The following AFF3 variants were observed in gnomAD, a reference collection of about 807,000 sequenced individuals.
AFF3 encodes the protein AF4/FMR2 family member 3.
Under a neutral mutation model 129.7 loss-of-function variants are expected in AFF3, and 32 were observed. The observed-to-expected ratio is 0.25, with a 90% confidence interval of 0.19 to 0.33. AFF3 has a LOEUF of 0.33. AFF3 is among the 10% of genes least tolerant of loss of function. The pLI is 1.00. For synonymous variants in AFF3, 644 were observed against 635.4 expected, an observed-to-expected ratio of 1.01 and a Z score of -0.20; for missense variants, 1,373 against 1,592.0, an observed-to-expected ratio of 0.86 and a Z score of 2.34.
intron 4 of AFF3, among the ~76,000 whole-genome samples, chr2:100,103,559 A>G (rs1320596361): frequency 6.6e-6 from 1 of 151,136 alleles, no homozygotes; most frequent in Non-Finnish European, 1.5e-5. Flanking sequence ...GACAGATACT[A>G]AAGCAGCCAA....
At chr2:99,877,236 T>C (rs1465070569) in intron 7 of AFF3, among the ~76,000 whole-genome samples, 1 of 152,134 alleles carries the variant, frequency 6.6e-6, no homozygotes, top group African/African-American at 2.4e-5. Flanking sequence ...CTGGGTTGGA[T>C]GAATGACTCG....
intron 7 of AFF3, among the ~76,000 whole-genome samples, chr2:99,977,115 A>G (rs896270389): frequency 2.0e-5 from 3 of 152,202 alleles, no homozygotes; most frequent in Non-Finnish European, 4.4e-5. Context: ...AATAGGATAG[A>G]TCCTTAAATG....
intron 8 of AFF3, among the ~76,000 whole-genome samples, chr2:99,831,068 G>C (rs1688485056): frequency 6.6e-6 from 1 of 152,176 alleles, no homozygotes; most frequent in African/African-American, 2.4e-5. Context: ...ACATCTTTGG[G>C]ATGTGAGAGG....
At chr2:99,820,038 TA>T (rs911822843) in intron 8 of AFF3, among the ~76,000 whole-genome samples, 1 of 152,230 alleles carries the variant, frequency 6.6e-6, no homozygotes, top group African/African-American at 2.4e-5. Context: ...CATTATTCAG[TA>T]ACTAGGTTAC....
chr2:99,850,151 C>T (rs1172323169), intron 7 of AFF3, among the ~76,000 whole-genome samples: 1 of 152,208 alleles, frequency 6.6e-6, no homozygotes, highest in South Asian at 2.1e-4. Flanking sequence ...AGCATGCTAT[C>T]TGACATCCAA....
intron 12 of AFF3, among the ~76,000 whole-genome samples, chr2:99,655,547 T>A (rs1575611086): frequency 6.6e-6 from 1 of 152,260 alleles, no homozygotes; most frequent in East Asian, 1.9e-4. Context: ...TGTGCTGCGG[T>A]TCGGCAAGTG....
intron 4 of AFF3, among the ~76,000 whole-genome samples, chr2:100,093,980 G>A (rs1422004674): frequency 1.3e-5 from 2 of 152,174 alleles, no homozygotes; most frequent in African/African-American, 4.8e-5. Flanking sequence ...GTGAGTTGGA[G>A]TAGTGTGGTC....
intron 11 of AFF3, chr2:99,707,078 T>G (rs1003779034): frequency 1.0e-6 from 1 of 984,110 alleles, no homozygotes; most frequent in African/African-American, 1.7e-5. Context: ...ACCGAAGATA[T>G]AATAGTACAA....
chr2:100,140,788 G>T (rs1692833595), intron 1 of AFF3, among the ~76,000 whole-genome samples: 1 of 152,212 alleles, frequency 6.6e-6, no homozygotes, highest in African/African-American at 2.4e-5. Context: ...ATAGGGAGGG[G>T]TGTTCTGTGC....
At chr2:99,551,732 T>A in intron 24 of AFF3, 137 bp from the exon 25 acceptor site, 6 of 1,117,602 alleles carry the variant, frequency 5.4e-6, no homozygotes, top group Non-Finnish European at 6.3e-6. Context: ...AACTTTAGCA[T>A]TCCTTTGAAC....
chr2:99,753,334 G>A (rs913098720), intron 8 of AFF3, among the ~76,000 whole-genome samples: 2 of 152,038 alleles, frequency 1.3e-5, no homozygotes, highest in Non-Finnish European at 2.9e-5. Context: ...TCCTGACCTC[G>A]GGTGACCCGC....
chr2:100,114,361 T>G (rs991829507), intron 2 of AFF3, among the ~76,000 whole-genome samples: 1 of 152,098 alleles, frequency 6.6e-6, no homozygotes, highest in African/African-American at 2.4e-5. Context: ...ACTGCACAGG[T>G]CACAGGCTCA....
chr2:100,105,406 G>A, intron 3 of AFF3, 98 bp downstream of exon 3: 1 of 1,307,706 alleles, frequency 7.6e-7, no homozygotes, highest in Non-Finnish European at 1.0e-6. Flanking sequence ...CTTCCACCCG[G>A]ACCTGCTCTC....
chr2:99,651,685 ACCCG>A (rs2105638752), intron 12 of AFF3, among the ~76,000 whole-genome samples: 1 of 151,468 alleles, frequency 6.6e-6, no homozygotes, highest in East Asian at 1.9e-4. Context: ...CAAATGATCC[ACCCG>A]CCTCTGCCCC....
intron 8 of AFF3, among the ~76,000 whole-genome samples, chr2:99,770,505 C>T (rs1683388527): frequency 6.6e-6 from 1 of 152,166 alleles, no homozygotes; most frequent in African/African-American, 2.4e-5. Flanking sequence ...ACCTAAGGTG[C>T]AAGACCAAGT....
intron 11 of AFF3, among the ~76,000 whole-genome samples, chr2:99,722,306 G>C (rs764109075): frequency 6.6e-6 from 1 of 152,126 alleles, no homozygotes; most frequent in Non-Finnish European, 1.5e-5. Context: ...TGTCTTTTAA[G>C]TTTTGGTTAG....
At chr2:99,921,147 T>C (rs1695831635) in intron 7 of AFF3, among the ~76,000 whole-genome samples, 2 of 152,094 alleles carry the variant, frequency 1.3e-5, no homozygotes, top group South Asian at 4.1e-4. Flanking sequence ...CTTGAAACAG[T>C]CACAGACCTA....
At chr2:99,857,733 T>C (rs1415403149) in intron 7 of AFF3, among the ~76,000 whole-genome samples, 1 of 152,196 alleles carries the variant, frequency 6.6e-6, no homozygotes, top group African/African-American at 2.4e-5. Context: ...TAATTAATCA[T>C]TCTCTTTTAT....
chr2:99,777,299 A>G (rs914026716), intron 8 of AFF3, among the ~76,000 whole-genome samples: 1 of 152,172 alleles, frequency 6.6e-6, no homozygotes, highest in Non-Finnish European at 1.5e-5. Flanking sequence ...CTTCCTGCAC[A>G]GAGGAAACCT....
Sources: allele counts gnomAD v4.1 joint callset (sites outside exome capture counted in the v4.1 genomes callset), GRCh38; gene constraint gnomAD v4.1.1; transcripts MANE v1.5; gene names NCBI Gene and HGNC (gene_info 2026-07-23, HGNC 2026-07-21).